KNTC1: variants seen among roughly 807,000 people sequenced by gnomAD.
KNTC1 encodes the protein kinetochore-associated protein 1.
In KNTC1, 253 loss-of-function variants were observed where a neutral mutation model predicts 314.4. The ratio of observed to expected loss-of-function variants is 0.80; its 90% CI spans 0.73 to 0.89. The LOEUF is 0.89. Ranked by LOEUF, KNTC1 falls within the 40% of genes least tolerant of loss-of-function variation. The pLI is 0.00. For synonymous variants in KNTC1, 901 were observed against 901.4 expected (o/e 1.00, Z 0.01); for missense variants, 2,475 against 2,572.9 (o/e 0.96, Z 0.82).
At position 122,543,626 on chromosome 12, in the gene KNTC1, G is replaced by A. The variant is rs1200826446; in HGVS notation, c.550G>A (p.Ala184Thr). The A allele has an allele frequency of 2.6e-6, 4 of 1,552,750 alleles. No homozygotes were observed. The highest frequency in any genetic ancestry group is 1.2e-5 in the South Asian group (1 of 82,968). Residue 184 changes from alanine (A) to threonine (T), a missense_variant, in exon 7 of 64, where the codon GCA (alanine) becomes ACA (threonine). By Grantham distance (58) the Ala-to-Thr change is moderately conservative (BLOSUM62 0). Transcript: ENST00000333479. ...AATTGAGAATGTAGACTTCAGTACA[G>A]CAAAAAAGGTAAGAAAATAAATCCA... The part of the protein sequence containing the change: ...QAIENVDFST[A>T]KKLQGQIKSS...
intron 16 of KNTC1, 72 bp downstream of exon 16, chr12:122,551,768 A>G (rs1385787616): frequency 1.0e-5 from 11 of 1,052,630 alleles, no homozygotes; most frequent in Non-Finnish European, 1.6e-5. Context: ...GAGGACAGAC[A>G]TGTAATATAT....
At chr12:122,551,993 C>T (rs1273593708) in intron 16 of KNTC1, among the ~76,000 whole-genome samples, 3 of 151,926 alleles carry the variant, frequency 2.0e-5, no homozygotes, top group Admixed American at 6.6e-5. Flanking sequence ...CTGCAACCTC[C>T]GCCTCCTGGG....
chr12:122,528,914 C>G (rs1466492199), intron 1 of KNTC1, among the ~76,000 whole-genome samples: 1 of 152,164 alleles, frequency 6.6e-6, no homozygotes, highest in Non-Finnish European at 1.5e-5. Flanking sequence ...ACGATCTCGA[C>G]TTACTGCAAC....
At chr12:122,609,091 A>G (rs1753724180) in intron 51 of KNTC1, 2 of 330,232 alleles carry the variant, frequency 6.1e-6, no homozygotes, top group South Asian at 4.9e-5. Flanking sequence ...TAAAAATCCA[A>G]TGCATGTCAG....
intron 53 of KNTC1, 163 bp downstream of exon 53, chr12:122,611,063 A>G: frequency 1.6e-6 from 1 of 623,322 alleles, no homozygotes; most frequent in Non-Finnish European, 2.9e-6. Context: ...ATTGTCTTGC[A>G]CCATGCTCCA....
intron 53 of KNTC1, chr12:122,611,685 T>C (rs766907790): frequency 6.6e-6 from 1 of 152,232 alleles, no homozygotes; most frequent in Non-Finnish European, 1.5e-5. Flanking sequence ...TCTTTCCGTA[T>C]CTGTGGGAGG....
intron 17 of KNTC1, 26 bp downstream of exon 17, chr12:122,557,535 A>G (rs1963680924): frequency 6.2e-7 from 1 of 1,612,584 alleles, no homozygotes; most frequent in Non-Finnish European, 8.5e-7. Context: ...CACATACTAC[A>G]GTATTTAGAT....
intron 42 of KNTC1, chr12:122,593,236 TA>T: frequency 6.0e-6 from 1 of 166,630 alleles, no homozygotes; most frequent in Non-Finnish European, 1.3e-5. Flanking sequence ...AGAGGGGACG[TA>T]AATGGCCTTT....
At chr12:122,625,878 A>G (rs1874983638) in intron 63 of KNTC1, among the ~76,000 whole-genome samples, 1 of 152,098 alleles carries the variant, frequency 6.6e-6, no homozygotes, top group Admixed American at 6.6e-5. Context: ...AAACCTAAGT[A>G]TCGTGGCTTT....
In KNTC1 at chr12:122,584,424, G is replaced by C. The variant is rs779167750; in HGVS notation, c.3410G>C (p.Ser1137Thr). The change falls in exon 35 of 64, where the codon AGC becomes ACC. Residue 1137 changes from serine to threonine, a missense_variant. Ser to Thr is a moderately conservative substitution (Grantham distance 58). Coordinates refer to ENST00000333479, the MANE Select transcript of KNTC1 (RefSeq NM_014708.6). ...NLPSMIHDLASQAATICSPDF... is the reference protein window; with the variant it reads ...NLPSMIHDLATQAATICSPDF... ...CCTTCCATGATACATGATCTAGCAAGCCAAGCTGCCACCATTTGCAGTCCA... is the reference window on the plus strand; with the variant it reads ...CCTTCCATGATACATGATCTAGCAACCCAAGCTGCCACCATTTGCAGTCCA... The C allele has an allele frequency of 5.0e-6, 8 of 1,609,530 alleles. No individual in the cohort carries two copies. Among genetic ancestry groups the C allele is most frequent in the Non-Finnish European group, 6.8e-6 (8 of 1,177,444 alleles).
chr12:122,600,000 C>G (rs1410570077), intron 44 of KNTC1, among the ~76,000 whole-genome samples: 1 of 152,096 alleles, frequency 6.6e-6, no homozygotes, highest in Non-Finnish European at 1.5e-5. Flanking sequence ...GCCTGGGTGA[C>G]AGAGCGAGAC....
intron 53 of KNTC1, chr12:122,611,795 A>G (rs1873152471): frequency 6.6e-6 from 1 of 152,146 alleles, no homozygotes; most frequent in African/African-American, 2.4e-5. Flanking sequence ...ACATCCTCCT[A>G]TATACCTTAA....
At chr12:122,586,822 T>A (rs1394919653) in intron 38 of KNTC1, 65 bp downstream of exon 38, 29 of 559,310 alleles carry the variant, frequency 5.2e-5, no homozygotes, top group Admixed American at 1.0e-4. Flanking sequence ...TTATTTATTT[T>A]ATTTTTTTGA....
At chr12:122,560,706 T>C (rs1012688300) in intron 18 of KNTC1, among the ~76,000 whole-genome samples, 10 of 152,180 alleles carry the variant, frequency 6.6e-5, no homozygotes, top group Non-Finnish European at 7.4e-5. Flanking sequence ...GGAACTACCA[T>C]GTTTTCCATG....
intron 32 of KNTC1, 37 bp from the exon 33 acceptor site, chr12:122,580,566 T>A: frequency 8.0e-7 from 1 of 1,255,026 alleles, no homozygotes; most frequent in South Asian, 1.4e-5. Flanking sequence ...TATGAGAATT[T>A]GCATGTCTGC....
In KNTC1 at chr12:122,541,730, C is replaced by T. The variant is rs548396788; in HGVS notation, c.446-320C>T. Reference sequence around the variant, plus strand: ...TATATCCATGTGCCTTTTAAAGTAACTGATTCCCAGCCGTGAGCAGTGGCT... The same window carrying T: ...TATATCCATGTGCCTTTTAAAGTAATTGATTCCCAGCCGTGAGCAGTGGCT... On this transcript the variant is annotated intron_variant, in intron 5 of 63. Coordinates refer to ENST00000333479, the MANE Select transcript of KNTC1 (RefSeq NM_014708.6). Among the ~76,000 whole-genome samples, 3 of 151,998 alleles carry T rather than the reference C, an allele frequency of 2.0e-5. No individual in the cohort carries two copies. In the South Asian group the frequency reaches 6.2e-4, roughly 31 times the overall value.
Position 122,549,789 on chromosome 12 carries a change from A to G in KNTC1, c.1011A>G (p.Ser337=), listed in dbSNP as rs1565944512. Residue 337 remains serine (S), a synonymous_variant, in exon 13 of 64, where the codon TCA becomes TCG. Transcript: ENST00000333479. ...NKKMKNLMVY[S]LPTMEILYSL... is the part of the protein sequence containing the mutation. Reference sequence around the variant, plus strand: ...AGATGAAAAACCTCATGGTTTATTCATTACCTACAATGGAAATACTATATT... The same window carrying G: ...AGATGAAAAACCTCATGGTTTATTCGTTACCTACAATGGAAATACTATATT... 1.3e-6 allele frequency: 2 copies of G among 1,543,486 alleles called. No individual in the cohort carries two copies. The highest frequency in any genetic ancestry group is 1.2e-5 in the South Asian group (1 of 85,878).
chr12:122,624,172 A>G lies in KNTC1; in HGVS notation c.6516-426A>G, dbSNP rs536945095. Among the ~76,000 whole-genome samples the G allele has an allele frequency of 2.6e-5, 4 of 152,344 alleles. No homozygotes were observed. The East Asian group carries it at 7.7e-4, about 29-fold the overall frequency. On this transcript the variant is annotated intron_variant, in intron 62 of 63. Coordinates refer to ENST00000333479, the MANE Select transcript of KNTC1 (RefSeq NM_014708.6). ...AATCCAGAGACTACCCAGTCTATGT[A>G]TATGCCCCAAATTGGAATTATTTCT...
chr12:122,531,065 AAAG>A (rs966927689), intron 2 of KNTC1, among the ~76,000 whole-genome samples: 1 of 151,972 alleles, frequency 6.6e-6, no homozygotes, highest in African/African-American at 2.4e-5. Context: ...TTTTTTAATA[AAAG>A]AAATTTTTTT....
Sources: allele counts gnomAD v4.1 joint callset (sites outside exome capture counted in the v4.1 genomes callset), GRCh38; gene constraint gnomAD v4.1.1; transcripts MANE v1.5; gene names NCBI Gene and HGNC (gene_info 2026-07-23, HGNC 2026-07-21).